ZNF334: variants seen among roughly 807,000 people sequenced by gnomAD.
ZNF334 encodes the protein zinc finger protein 334.
In ZNF334, 14 loss-of-function variants were observed where a neutral mutation model predicts 12.4. The observed-to-expected ratio is 1.13, with a 90% CI of 0.74 to 1.76. ZNF334 has a LOEUF of 1.76. Ranked by LOEUF, ZNF334 falls within the 40% of genes most tolerant of loss-of-function variation. The pLI, the probability that ZNF334 is intolerant of heterozygous loss-of-function variation, is 0.00. For missense variants in ZNF334, 797 were observed against 804.5 expected, an observed-to-expected ratio of 0.99 and a Z score of 0.11; for synonymous variants, 273 against 269.6, an observed-to-expected ratio of 1.01 and a Z score of -0.12.
intron 2 of ZNF334, 51 bp downstream of exon 2, chr20:46,512,031 C>T: frequency 6.3e-7 from 1 of 1,591,072 alleles, no homozygotes; most frequent in South Asian, 1.1e-5. Flanking sequence ...CTACTCTAAA[C>T]CTCTTGAAAT....
chr20:46,498,087 T>G (rs955263569), downstream of ZNF334, among the ~76,000 whole-genome samples: 3 of 152,214 alleles, frequency 2.0e-5, no homozygotes, highest in Admixed American at 1.3e-4. Context: ...TTAGTACGAC[T>G]TCTTGAAAGG....
chr20:46,468,555 G>C, the ZNF334 span, among the ~76,000 whole-genome samples: 1 of 152,062 alleles, frequency 6.6e-6, no homozygotes, highest in Non-Finnish European at 1.5e-5. Flanking sequence ...TAAGTGTTGG[G>C]ATTACGGGCG....
intron 2 of ZNF334, chr20:46,504,972 A>C: frequency 2.6e-6 from 1 of 390,052 alleles, no homozygotes; most frequent in Non-Finnish European, 4.5e-6. Context: ...TGGATTACTA[A>C]TCACATAAAA....
At position 46,499,912 on chromosome 20, in the gene ZNF334, A is replaced by G. The variant is rs2061097030; in HGVS notation, c.*1384T>C. 1 of 152,224 alleles carries G rather than the reference A, an allele frequency of 6.6e-6. No homozygotes were observed. The highest frequency in any genetic ancestry group is 2.1e-4 in the South Asian group (1 of 4,830). The allele number at this position is 152,224 out of a possible 1,614,324, so 9.4% of individuals were successfully genotyped here. A position where few individuals can be genotyped will look rare whatever the true frequency, so the allele number is the denominator to read the frequency against. ...TGGGTTCTCTGAAGGGCCCCAAATAAATAGCACAATTTCCCCCCATCTAAA... is the reference window on the plus strand; with the variant it reads ...TGGGTTCTCTGAAGGGCCCCAAATAGATAGCACAATTTCCCCCCATCTAAA... On this transcript the variant is annotated 3_prime_UTR_variant, in exon 5 of 5. Transcript: ENST00000692313.
chr20:46,506,343 T>A lies in ZNF334; in HGVS notation c.22-1603A>T, dbSNP rs550303752. Reference sequence around the variant, plus strand: ...GAAAGGAGATGTAAGAAAACACACATGGCCAGGTGTGGTGGCGCACACCTA... The same window carrying A: ...GAAAGGAGATGTAAGAAAACACACAAGGCCAGGTGTGGTGGCGCACACCTA... On this transcript the variant is annotated intron_variant, in intron 2 of 4. Coordinates refer to ENST00000692313, the MANE Select transcript of ZNF334 (RefSeq NM_001353824.2). 9 of 642,044 alleles carry A rather than the reference T, an allele frequency of 1.4e-5. 1 individual carries two copies. The highest frequency in any genetic ancestry group is 5.5e-5 in the African/African-American group (3 of 54,560). The allele number at this position is 642,044 out of a possible 1,614,324, so 39.8% of individuals were successfully genotyped here.
the ZNF334 span, among the ~76,000 whole-genome samples, chr20:46,474,202 G>A: frequency 2.0e-5 from 3 of 152,000 alleles, no homozygotes; most frequent in Admixed American, 6.6e-5. Flanking sequence ...GCGAAACCCC[G>A]TCTCTACTAA....
chr20:46,465,924 A>G, the ZNF334 span, among the ~76,000 whole-genome samples: 2 of 152,110 alleles, frequency 1.3e-5, no homozygotes. Flanking sequence ...CACTTACTCC[A>G]GCCTGAGCGA....
Position 46,500,557 on chromosome 20 carries a change from T to C in ZNF334, c.*739A>G, listed in dbSNP as rs970280291. Reference sequence around the variant, plus strand: ...AAACACTTTTTGGATTCAACCATCATCCAAATTCTCTTTGTTGTTCAAGAA... The same window carrying C: ...AAACACTTTTTGGATTCAACCATCACCCAAATTCTCTTTGTTGTTCAAGAA... On this transcript the variant is annotated 3_prime_UTR_variant, in exon 5 of 5. Coordinates refer to ENST00000692313, the MANE Select transcript of ZNF334 (RefSeq NM_001353824.2). 1.1e-4 allele frequency: 16 copies of C among 152,214 alleles called. No individual in the cohort carries two copies. The highest frequency in any genetic ancestry group is 1.9e-4 in the Non-Finnish European group (13 of 68,042). The allele number at this position is 152,214 out of a possible 1,614,324, so 9.4% of individuals were successfully genotyped here.
rs982804073 is a variant in ZNF334, at chr20:46,513,145, A to T, written c.-644T>A. The T allele has an allele frequency of 6.6e-6, 1 of 152,270 alleles. No homozygotes were observed. Among genetic ancestry groups the T allele is most frequent in the Non-Finnish European group, 1.5e-5 (1 of 68,072 alleles). The allele number at this position is 152,270 out of a possible 1,614,324, so 9.4% of individuals were successfully genotyped here. A position where few individuals can be genotyped will look rare whatever the true frequency, so the allele number is the denominator to read the frequency against. On this transcript the variant is annotated 5_prime_UTR_variant, in exon 1 of 5. Transcript: ENST00000692313. Reference sequence around the variant, plus strand: ...GAACTGAACTTTGCTGAGCTATAATAATCAATGGCTGCAAGACTAAGTGCA... The same window carrying T: ...GAACTGAACTTTGCTGAGCTATAATTATCAATGGCTGCAAGACTAAGTGCA...
intron 4 of ZNF334, among the ~76,000 whole-genome samples, chr20:46,504,007 C>G (rs892347788): frequency 6.6e-6 from 1 of 152,156 alleles, no homozygotes; most frequent in African/African-American, 2.4e-5. Context: ...AACTTAATGG[C>G]AAACATCTTT....
At chr20:46,477,837 C>T in the ZNF334 span, among the ~76,000 whole-genome samples, 7 of 152,334 alleles carry the variant, frequency 4.6e-5, no homozygotes, top group Middle Eastern at 3.4e-3. Flanking sequence ...ACATGCTTAG[C>T]ACTCAGTATC....
At position 46,501,834 on chromosome 20, in the gene ZNF334, G is replaced by C. The variant is rs990850485; in HGVS notation, c.1505C>G (p.Ser502Ter). The part of the protein sequence containing the change: ...NKCGRISIVK[S>*]NCSQCKRMNT... ...CATTCTCTTACACTGACTGCAGTTT[G>C]ACTTCACAATGGAGATTCTACCACA... The change falls in exon 5 of 5, where the codon TCA (serine) becomes TGA (stop). Residue 502 changes from serine (S) to a stop codon, truncating the protein, a stop_gained. Coordinates refer to ENST00000692313, the MANE Select transcript of ZNF334 (RefSeq NM_001353824.2). LOFTEE classifies it low-confidence loss of function (END_TRUNC). The C allele has an allele frequency of 3.1e-6, 5 of 1,613,826 alleles. No individual in the cohort carries two copies. Among genetic ancestry groups the C allele is most frequent in the Non-Finnish European group, 4.2e-6 (5 of 1,179,942 alleles).
At chr20:46,471,757 T>C in the ZNF334 span, among the ~76,000 whole-genome samples, 7 of 152,206 alleles carry the variant, frequency 4.6e-5, no homozygotes, top group African/African-American at 1.7e-4. Flanking sequence ...ATAGGTTTAT[T>C]TCTGGGTTCT....
At chr20:46,486,149 A>G in the ZNF334 span, among the ~76,000 whole-genome samples, 1 of 152,218 alleles carries the variant, frequency 6.6e-6, no homozygotes, top group African/African-American at 2.4e-5. Context: ...TGAGTCAATC[A>G]ATTGTCACTG....
the ZNF334 span, among the ~76,000 whole-genome samples, chr20:46,468,830 T>G: frequency 6.6e-6 from 1 of 152,082 alleles, no homozygotes; most frequent in Non-Finnish European, 1.5e-5. Flanking sequence ...GCCTCTGGAG[T>G]CGAATCTCAC....
At position 46,502,008 on chromosome 20, in the gene ZNF334, G is replaced by A. The variant is rs140103734; in HGVS notation, c.1331C>T (p.Thr444Met). 151 of 1,613,870 alleles carry A rather than the reference G, an allele frequency of 9.4e-5. No homozygotes were observed. The African/African-American group carries it at 1.4e-3, about 15-fold the overall frequency. The change falls in exon 5 of 5, where the codon ACG becomes ATG. Residue 444 changes from threonine (T) to methionine (M), a missense_variant. By Grantham distance (81) the Thr-to-Met change is moderately conservative. Transcript: ENST00000692313. ...CTGATGTGCAATGAGGGCTGATTTC[G>A]TACATAAAAATTTTCCACATTGACT... ...ECSQCGKFLCTKSALIAHQIT... is the reference protein window; with the variant it reads ...ECSQCGKFLCMKSALIAHQIT...
At chr20:46,465,021 T>A in the ZNF334 span, 2 of 381,400 alleles carry the variant, frequency 5.2e-6, no homozygotes, top group Non-Finnish European at 1.0e-5. Context: ...CTGAAAATAC[T>A]TGCCCACTAC....
At chr20:46,477,990 T>C in the ZNF334 span, among the ~76,000 whole-genome samples, 2 of 152,256 alleles carry the variant, frequency 1.3e-5, no homozygotes, top group Admixed American at 1.3e-4. Flanking sequence ...CAGACTATTC[T>C]GAAATAGTCA....
chr20:46,463,940 C>T, the ZNF334 span: 3 of 552,126 alleles, frequency 5.4e-6, no homozygotes, highest in African/African-American at 3.8e-5. Context: ...TGGAACAAGT[C>T]CCACTCATTT....
Sources: allele counts gnomAD v4.1 joint callset (sites outside exome capture counted in the v4.1 genomes callset), GRCh38; gene constraint gnomAD v4.1.1; transcripts MANE v1.5; gene names NCBI Gene and HGNC (gene_info 2026-07-23, HGNC 2026-07-21).